The following CNTNAP2 variants were observed in gnomAD, a reference collection of about 807,000 sequenced individuals.
CNTNAP2 encodes the protein contactin associated protein 2.
CNTNAP2 carries 98 observed loss-of-function variants against 155.2 expected under a neutral mutation model. That is an observed-to-expected ratio of 0.63 (90% CI 0.54 to 0.75). CNTNAP2 has a LOEUF of 0.75. Ranked by LOEUF, CNTNAP2 falls within the 30% of genes least tolerant of loss-of-function variation. CNTNAP2 has a pLI of 0.00. For missense variants in CNTNAP2, 1,727 were observed against 1,688.1 expected, an observed-to-expected ratio of 1.02 and a Z score of -0.40; for synonymous variants, 651 against 631.2, an observed-to-expected ratio of 1.03 and a Z score of -0.47.
intron 1 of CNTNAP2, among the ~76,000 whole-genome samples, chr7:146,773,668 A>G (rs756567486): frequency 9.2e-5 from 14 of 152,236 alleles, no homozygotes; most frequent in Non-Finnish European, 1.3e-4. Flanking sequence ...TGCTGGGATT[A>G]CAGGCATGAG....
intron 4 of CNTNAP2, chr7:147,081,583 TTG>T (rs5888236): frequency 0.35 from 45,296 of 127,900 alleles, 8,142 homozygotes; most frequent in Middle Eastern, 0.46. Flanking sequence ...CCCGGCTAAT[TTG>T]TGTGTGTGTG....
At chr7:146,640,511 C>T (rs1011599934) in intron 1 of CNTNAP2, among the ~76,000 whole-genome samples, 1 of 152,146 alleles carries the variant, frequency 6.6e-6, no homozygotes, top group Non-Finnish European at 1.5e-5. Context: ...AGAGTATGCT[C>T]TCTAAGTGGA....
chr7:146,543,864 A>C (rs980333036), intron 1 of CNTNAP2, among the ~76,000 whole-genome samples: 10 of 151,926 alleles, frequency 6.6e-5, no homozygotes, highest in Non-Finnish European at 1.5e-4. Flanking sequence ...CTCTGTCTTT[A>C]GATTCTTACT....
At chr7:146,749,794 C>T (rs1431677492) in intron 1 of CNTNAP2, among the ~76,000 whole-genome samples, 1 of 152,126 alleles carries the variant, frequency 6.6e-6, no homozygotes, top group African/African-American at 2.4e-5. Flanking sequence ...AGTATTACCA[C>T]CTCAATATTT....
chr7:147,579,512 G>A (rs1231721019), intron 12 of CNTNAP2, among the ~76,000 whole-genome samples: 1 of 152,040 alleles, frequency 6.6e-6, no homozygotes, highest in East Asian at 1.9e-4. Flanking sequence ...ATTGAAAAAT[G>A]AGAAAAGTTT....
intron 15 of CNTNAP2, among the ~76,000 whole-genome samples, chr7:148,073,037 C>G (rs78631166): frequency 0.081 from 12,291 of 152,072 alleles, 873 homozygotes; most frequent in African/African-American, 0.19. Context: ...TGTGTCATAT[C>G]ATCTCTGGCC....
chr7:147,665,757 T>C (rs973711613), intron 13 of CNTNAP2, among the ~76,000 whole-genome samples: 6 of 152,202 alleles, frequency 3.9e-5, no homozygotes, highest in African/African-American at 1.2e-4. Context: ...TTGCTAAGAA[T>C]AATGGCCTCC....
rs577606920 is a variant in CNTNAP2 at position 148,180,859 on chromosome 7, G to A, written c.3010+8381G>A. ...AAGCATTACTTTGAGGTGGGTCTGT[G>A]AGGCTGTTTCCAGAGAACATTAGCA... On this transcript the variant is annotated intron_variant, in intron 18 of 23. Transcript: ENST00000361727. Among the ~76,000 whole-genome samples the A allele has an allele frequency of 9.2e-5, 14 of 152,328 alleles. No individual in the cohort carries two copies. The South Asian group carries it at 2.7e-3, about 29-fold the overall frequency.
chr7:146,689,158 G>A (rs1310869716), intron 1 of CNTNAP2, among the ~76,000 whole-genome samples: 2 of 151,934 alleles, frequency 1.3e-5, no homozygotes, highest in Admixed American at 1.3e-4. Context: ...GCCCTCTGAT[G>A]AGTAACATTT....
chr7:146,502,451 GA>G (rs1797319644), intron 1 of CNTNAP2, among the ~76,000 whole-genome samples: 1 of 151,574 alleles, frequency 6.6e-6, no homozygotes, highest in Non-Finnish European at 1.5e-5. Flanking sequence ...TTAGTTTTTT[GA>G]GAAATGTGCA....
At chr7:146,703,291 A>C (rs1231900725) in intron 1 of CNTNAP2, among the ~76,000 whole-genome samples, 1 of 152,234 alleles carries the variant, frequency 6.6e-6, no homozygotes, top group East Asian at 1.9e-4. Context: ...AGGGGTCTCT[A>C]TGAGGGTTGG....
chr7:146,952,486 T>C (rs1416046479), intron 3 of CNTNAP2, among the ~76,000 whole-genome samples: 1 of 152,146 alleles, frequency 6.6e-6, no homozygotes, highest in Admixed American at 6.5e-5. Context: ...GGAAGTCAAA[T>C]TGTCTCTGTT....
At chr7:146,358,022 T>TTTTATTTA (rs375240509) in intron 1 of CNTNAP2, among the ~76,000 whole-genome samples, 3,190 of 149,138 alleles carry the variant, frequency 0.021, 121 homozygotes, top group African/African-American at 0.076. Context: ...ATTTATTTAA[T>TTTTATTTA]TTTATTTATT....
chr7:147,389,455 T>A (rs1796673692), intron 9 of CNTNAP2, among the ~76,000 whole-genome samples: 1 of 152,234 alleles, frequency 6.6e-6, no homozygotes. Flanking sequence ...TTACAACAAT[T>A]TAGGTTGCCA....
intron 21 of CNTNAP2, among the ~76,000 whole-genome samples, chr7:148,312,462 G>A (rs4305812): frequency 6.6e-6 from 1 of 152,012 alleles, no homozygotes; most frequent in South Asian, 2.1e-4. Context: ...TGATGGGTGT[G>A]AGGGTCAGTC....
At chr7:148,341,998 T>C (rs1178242521) in intron 21 of CNTNAP2, among the ~76,000 whole-genome samples, 2 of 152,206 alleles carry the variant, frequency 1.3e-5, no homozygotes, top group East Asian at 1.9e-4. Context: ...AGGGAATTGA[T>C]GGAGCAGAGG....
At chr7:148,415,333 G>T in intron 23 of CNTNAP2, 84 bp from the exon 24 acceptor site, 2 of 1,387,754 alleles carry the variant, frequency 1.4e-6, no homozygotes, top group South Asian at 2.4e-5. Context: ...GGCTGTGTCT[G>T]ACGGAGCTGT....
chr7:148,013,471 A>G (rs1802118133), intron 15 of CNTNAP2, among the ~76,000 whole-genome samples: 1 of 152,228 alleles, frequency 6.6e-6, no homozygotes. Context: ...CATCACCTGG[A>G]GACAGAGACA....
At chr7:147,452,993 CAGAA>C (rs764359252) in intron 10 of CNTNAP2, among the ~76,000 whole-genome samples, 49 of 147,030 alleles carry the variant, frequency 3.3e-4, no homozygotes, top group Non-Finnish European at 6.8e-4. Flanking sequence ...GAAGTAGAAA[CAGAA>C]AGGGAGAAAG....
Sources: gnomAD v4.1 joint callset for allele counts (sites outside exome capture counted in the v4.1 genomes callset) on GRCh38, gnomAD v4.1.1 for gene constraint, MANE v1.5 for transcripts, NCBI Gene and HGNC (gene_info 2026-07-23, HGNC 2026-07-21) for gene names.